The following BCL11B variants were observed in gnomAD, a reference collection of about 807,000 sequenced individuals.
The protein encoded by BCL11B is B-cell lymphoma/leukemia 11B.
A neutral mutation model predicts 49.9 loss-of-function variants in BCL11B; 8 were observed. That is an observed-to-expected ratio of 0.16 (90% CI 0.09 to 0.29). The LOEUF (loss-of-function observed/expected upper bound fraction) is 0.29. Among genes scored for constraint, BCL11B ranks in the 10% least tolerant of loss-of-function variants. The probability of loss-of-function intolerance (pLI) is 1.00; values close to 1 mark genes in which losing one functional copy is unlikely to be tolerated. For missense variants in BCL11B, 1,006 were observed against 1,351.0 expected, an observed-to-expected ratio of 0.74 and a Z score of 4.00; for synonymous variants, 739 against 637.4, an observed-to-expected ratio of 1.16 and a Z score of -2.40.
At chr14:99,253,023 T>C (rs1224364597) in intron 2 of BCL11B, among the ~76,000 whole-genome samples, 1 of 152,266 alleles carries the variant, frequency 6.6e-6, no homozygotes, top group Non-Finnish European at 1.5e-5. Context: ...TCTAGAAGCA[T>C]CCACTTCTTG....
Position 99,242,118 on chromosome 14 carries a change from G to A in BCL11B, c.428-10561C>T, listed in dbSNP as rs527655948. On this transcript the variant is annotated intron_variant, in intron 2 of 3. Transcript: ENST00000357195. The surrounding 1 kb of genome is among the most constrained non-coding windows in gnomAD (Gnocchi z 4.4). ...GGCGCTGAAGGAAGACTTTCTGAGC[G>A]GTTCGGTTCAGAGTTTTAGGAGAAC... Among the ~76,000 whole-genome samples the A allele has an allele frequency of 3.9e-5, 6 of 152,276 alleles. No individual in the cohort carries two copies. The highest frequency in any genetic ancestry group is 5.9e-5 in the Non-Finnish European group (4 of 68,020).
rs773041399 is a variant in BCL11B at position 99,257,808 on chromosome 14, G to A, written c.90C>T (p.Leu30=). 3.1e-5 allele frequency: 48 copies of A among 1,549,356 alleles called. No individual in the cohort carries two copies. The highest frequency in any genetic ancestry group is 3.7e-5 in the South Asian group (3 of 80,724). ...CTATCTCCAGACCCTCGTCTTCTTC[G>A]AGGATGGCGGCCTCCACATGGTCAG... ...PEADHVEAAI[L]EEDEGLEIEE... The change falls in exon 2 of 4, where the codon CTC becomes CTT. Residue 30 remains leucine, a synonymous_variant. Transcript: ENST00000357195. The surrounding 1 kb of genome is among the most constrained non-coding windows in gnomAD (Gnocchi z 6.2).
Position 99,232,499 on chromosome 14 carries a change from C to T in BCL11B, c.428-942G>A, listed in dbSNP as rs1334229095. Among the ~76,000 whole-genome samples, 1 of 152,226 alleles carries T rather than the reference C, an allele frequency of 6.6e-6. No individual in the cohort carries two copies. Among genetic ancestry groups the T allele is most frequent in the African/African-American group, 2.4e-5 (1 of 41,462 alleles). On this transcript the variant is annotated intron_variant, in intron 2 of 3. Coordinates refer to ENST00000357195, the MANE Select transcript of BCL11B (RefSeq NM_138576.4). This position sits in a 1 kb window ranked among gnomAD's most constrained non-coding sequence, Gnocchi z 5.1. ...CATCAGAGAGACAAAAAGGAAACGT[C>T]AACAAGAGGATGGGCAGCTGGGCCC...
intron 2 of BCL11B, among the ~76,000 whole-genome samples, chr14:99,246,510 C>G (rs537932883): frequency 6.6e-6 from 1 of 152,344 alleles, no homozygotes; most frequent in African/African-American, 2.4e-5. Flanking sequence ...CGGCCAGGGC[C>G]AGCCGGGAAA....
rs757214749 is a variant in BCL11B, at chr14:99,231,084, C to A, written c.640+261G>T. Among the ~76,000 whole-genome samples the A allele has an allele frequency of 6.6e-6, 1 of 152,134 alleles. No homozygotes were observed. Among genetic ancestry groups the A allele is most frequent in the Non-Finnish European group, 1.5e-5 (1 of 68,026 alleles). ...GCTGTCGCTAAACAACCCAAAGAAG[C>A]GGGATTGGGAGGCTGGGGAATGCAT... On this transcript the variant is annotated intron_variant, in intron 3 of 3. Transcript: ENST00000357195. The surrounding 1 kb of genome is among the most constrained non-coding windows in gnomAD (Gnocchi z 8.1).
chr14:99,175,630 C>T lies in BCL11B; in HGVS notation c.1206G>A (p.Pro402=), dbSNP rs748837067. 1.2e-5 allele frequency: 18 copies of T among 1,561,116 alleles called. No individual in the cohort carries two copies. In the East Asian group the frequency reaches 2.6e-4, roughly 22 times the overall value. The change falls in exon 4 of 4, where the codon CCG becomes CCA. Residue 402 remains proline, a synonymous_variant. Transcript: ENST00000357195. ...GCGGCAGCGGCGGCGTGCTCAGGAA[C>T]GGGGACTTGGGGCTGGGCTGGAAGG... ...LNPFQPSPKS[P]FLSTPPLPPM...
At position 99,242,889 on chromosome 14, in the gene BCL11B, G is replaced by C. The variant is rs1046966389; in HGVS notation, c.428-11332C>G. ...TGAAGGTACCATTTCATAGCAGACA[G>C]CTGTGTGCTCCATGGGGATAAGTGC... On this transcript the variant is annotated intron_variant, in intron 2 of 3. Transcript: ENST00000357195. This position sits in a 1 kb window ranked among gnomAD's most constrained non-coding sequence, Gnocchi z 4.4. Among the ~76,000 whole-genome samples, 6 of 152,226 alleles carry C rather than the reference G, an allele frequency of 3.9e-5. No homozygotes were observed. The highest frequency in any genetic ancestry group is 1.4e-4 in the African/African-American group (6 of 41,458).
chr14:99,170,050 A>G lies in BCL11B; in HGVS notation c.*4101T>C, dbSNP rs1158157205. ...TTCTCTCTTCTCTGCAGTCACAGAGACACACAATGCTTGTGCTTTGGGATG... is the reference window on the plus strand; with the variant it reads ...TTCTCTCTTCTCTGCAGTCACAGAGGCACACAATGCTTGTGCTTTGGGATG... On this transcript the variant is annotated 3_prime_UTR_variant, in exon 4 of 4. Transcript: ENST00000357195. 4.4e-6 allele frequency: 1 copy of G among 227,902 alleles called. No homozygotes were observed. The highest frequency in any genetic ancestry group is 2.2e-5 in the African/African-American group (1 of 44,978). 14.1% of individuals were successfully genotyped at this position (227,902 alleles called of 1,614,324 possible).
rs1886336067 is a variant in BCL11B, at chr14:99,172,875, G to A, written c.*1276C>T. 4.4e-6 allele frequency: 1 copy of A among 228,086 alleles called. No homozygotes were observed. Among genetic ancestry groups the A allele is most frequent in the East Asian group, 6.3e-5 (1 of 15,942 alleles). 14.1% of individuals were successfully genotyped at this position (228,086 alleles called of 1,614,324 possible). The stretch of plus-strand genomic sequence containing the variant: ...AAAAAATAAAAACCTGGGAAGTAGC[G>A]CTGGGCACCTTCTGATGGAACTCAT... On this transcript the variant is annotated 3_prime_UTR_variant, in exon 4 of 4. Coordinates refer to ENST00000357195, the MANE Select transcript of BCL11B (RefSeq NM_138576.4).
chr14:99,175,640 G>C lies in BCL11B; in HGVS notation c.1196C>G (p.Pro399Arg), dbSNP rs774985123. Residue 399 changes from proline to arginine, a missense_variant, in exon 4 of 4, where the codon CCC becomes CGC. By Grantham distance (103) the Pro-to-Arg change is moderately radical. Coordinates refer to ENST00000357195, the MANE Select transcript of BCL11B (RefSeq NM_138576.4). ...CGGCGTGCTCAGGAACGGGGACTTG[G>C]GGCTGGGCTGGAAGGGGTTCAGGAG... is the stretch of plus-strand genomic sequence containing the variant. ...HRLLNPFQPS[P>R]KSPFLSTPPL... is the part of the protein sequence containing the mutation. 1 of 1,561,524 alleles carries C rather than the reference G, an allele frequency of 6.4e-7. No individual in the cohort carries two copies. The highest frequency in any genetic ancestry group is 1.4e-5 in the African/African-American group (1 of 72,138).
chr14:99,207,570 G>A (rs1449477423), intron 3 of BCL11B, among the ~76,000 whole-genome samples: 1 of 152,238 alleles, frequency 6.6e-6, no homozygotes, highest in African/African-American at 2.4e-5. Flanking sequence ...CCTGGGTGCT[G>A]GGAGCCGGAG....
At position 99,248,273 on chromosome 14, in the gene BCL11B, CA is replaced by C. The variant is rs1019788803; in HGVS notation, c.427+9197del. Reference sequence around the variant, plus strand: ...CCAGCAAGAAGGCGTCAAGAAAACTCAAAAACAAAATAAAATGAAGCCTCGG... The same window carrying C: ...CCAGCAAGAAGGCGTCAAGAAAACTCAAAACAAAATAAAATGAAGCCTCGG... On this transcript the variant is annotated intron_variant, in intron 2 of 3. Transcript: ENST00000357195. This position sits in a 1 kb window ranked among gnomAD's most constrained non-coding sequence, Gnocchi z 4.7. Among the ~76,000 whole-genome samples, 10 of 152,098 alleles carry C rather than the reference CA, an allele frequency of 6.6e-5. No individual in the cohort carries two copies. Among genetic ancestry groups the C allele is most frequent in the African/African-American group, 2.4e-4 (10 of 41,400 alleles).
rs548942519 is a variant in BCL11B, at chr14:99,171,224, G to T, written c.*2927C>A. 4.4e-6 allele frequency: 1 copy of T among 227,750 alleles called. No individual in the cohort carries two copies. The allele number at this position is 227,750 out of a possible 1,614,324, so 14.1% of individuals were successfully genotyped here. A position where few individuals can be genotyped will look rare whatever the true frequency, so the allele number is the denominator to read the frequency against. ...ACGGTTCTCTGTGTAGGCCAATTCC[G>T]ACAAAAAATATATACAACTAAATGA... is the stretch of plus-strand genomic sequence containing the variant. On this transcript the variant is annotated 3_prime_UTR_variant, in exon 4 of 4. Coordinates refer to ENST00000357195, the MANE Select transcript of BCL11B (RefSeq NM_138576.4).
chr14:99,199,681 TGTGC>T (rs768341600), intron 3 of BCL11B, among the ~76,000 whole-genome samples: 3,906 of 71,056 alleles, frequency 0.055, 82 homozygotes, highest in Non-Finnish European at 0.098. Context: ...TGTGTGTGTG[TGTGC>T]GCGCGCGCGC....
intron 3 of BCL11B, among the ~76,000 whole-genome samples, chr14:99,225,295 T>C (rs1200432661): frequency 1.3e-5 from 2 of 152,096 alleles, no homozygotes; most frequent in Non-Finnish European, 2.9e-5. Flanking sequence ...AATGAAGAGG[T>C]TGGAGGAGAT....
intron 3 of BCL11B, among the ~76,000 whole-genome samples, chr14:99,202,756 G>T (rs528804810): frequency 1.3e-5 from 2 of 152,288 alleles, no homozygotes; most frequent in South Asian, 2.1e-4. Context: ...CCTAGCTCAG[G>T]CAGGGAATAG....
At position 99,246,071 on chromosome 14, in the gene BCL11B, C is replaced by A. The variant is rs1017834495; in HGVS notation, c.427+11400G>T. Among the ~76,000 whole-genome samples, 12 of 152,110 alleles carry A rather than the reference C, an allele frequency of 7.9e-5. No individual in the cohort carries two copies. The Middle Eastern group carries it at 0.01, about 129-fold the overall frequency. On this transcript the variant is annotated intron_variant, in intron 2 of 3. Transcript: ENST00000357195. The stretch of plus-strand genomic sequence containing the variant: ...CTCCGATTCACTGCATGCCCCCCGC[C>A]CCCCAAAGCAAAAGTTGCACGGATG...
rs1238260349 is a variant in BCL11B, at chr14:99,173,066, T to C, written c.*1085A>G. On this transcript the variant is annotated 3_prime_UTR_variant, in exon 4 of 4. Transcript: ENST00000357195. ...TGACCCCTTGTAGCAACATAGGATT[T>C]GAGATTTATGTGGTGGGGGTGATTT... 1.3e-5 allele frequency: 3 copies of C among 228,718 alleles called. No individual in the cohort carries two copies. Among genetic ancestry groups the C allele is most frequent in the South Asian group, 1.8e-4 (1 of 5,476 alleles). 14.2% of individuals were successfully genotyped at this position (228,718 alleles called of 1,614,324 possible).
At position 99,195,878 on chromosome 14, in the gene BCL11B, A is replaced by G. The variant is rs1887164899; in HGVS notation, c.641-19683T>C. Among the ~76,000 whole-genome samples, 1 of 152,096 alleles carries G rather than the reference A, an allele frequency of 6.6e-6. No individual in the cohort carries two copies. On this transcript the variant is annotated intron_variant, in intron 3 of 3. Coordinates refer to ENST00000357195, the MANE Select transcript of BCL11B (RefSeq NM_138576.4). This position sits in a 1 kb window ranked among gnomAD's most constrained non-coding sequence, Gnocchi z 4.7. ...TGCCTGCTGCCCAGAAGAGCCCTTAAAATTCTGCAGTCTGCACCCGCCCCT... is the reference window on the plus strand; with the variant it reads ...TGCCTGCTGCCCAGAAGAGCCCTTAGAATTCTGCAGTCTGCACCCGCCCCT...
Sources: gnomAD v4.1 joint callset for allele counts (sites outside exome capture counted in the v4.1 genomes callset) on GRCh38, gnomAD v4.1.1 for gene constraint, Gnocchi (gnomAD v3.1) non-coding constraint, MANE v1.5 for transcripts, NCBI Gene and HGNC (gene_info 2026-07-23, HGNC 2026-07-21) for gene names.